The following EME2 variants were observed in gnomAD, a reference collection of about 807,000 sequenced individuals.
The protein encoded by EME2 is structure-specific endonuclease subunit EME2.
Under a neutral mutation model 41.9 loss-of-function variants are expected in EME2, and 58 were observed. The ratio of observed to expected loss-of-function variants is 1.38; its 90% confidence interval spans 1.12 to 1.72. The LOEUF (loss-of-function observed/expected upper bound fraction) is 1.72. Among genes scored for constraint, EME2 ranks in the 40% most tolerant of loss-of-function variants. The pLI is 0.00. For synonymous variants in EME2, 334 were observed against 239.3 expected (o/e 1.40, Z -3.65); for missense variants, 695 against 541.9 (o/e 1.28, Z -2.81).
Position 1,781,166 on chromosome 16 carries a change from G to A in EME2, c.*4928G>A. ...TCCTGTCACCCCTGAGGCTGTGTGT[G>A]TCCTTTGCCAAATTAAAGAGTCTTA... is the stretch of plus-strand genomic sequence containing the variant. On this transcript the variant is annotated 3_prime_UTR_variant, in exon 8 of 8. Transcript: ENST00000568449. The A allele has an allele frequency of 6.5e-7, 1 of 1,532,038 alleles. No homozygotes were observed. The highest frequency in any genetic ancestry group is 8.7e-7 in the Non-Finnish European group (1 of 1,144,306). 94.9% of individuals were successfully genotyped at this position (1,532,038 alleles called of 1,614,324 possible).
Position 1,776,970 on chromosome 16 carries a change from T to G in EME2, c.*732T>G. On this transcript the variant is annotated 3_prime_UTR_variant, in exon 8 of 8. Transcript: ENST00000568449. ...CTGTCCCAGCCTCGGGAGCAAGAGA[T>G]GGCTCCCTCCGGACGGGCCTCATCC... 1 of 1,084,224 alleles carries G rather than the reference T, an allele frequency of 9.2e-7. No individual in the cohort carries two copies. The highest frequency in any genetic ancestry group is 1.6e-5 in the South Asian group (1 of 64,086). 67.2% of individuals were successfully genotyped at this position (1,084,224 alleles called of 1,614,324 possible).
rs1187432844 is a variant in EME2, at chr16:1,773,022, A to C, written c.-206A>C. 1.4e-6 allele frequency: 2 copies of C among 1,449,126 alleles called. No individual in the cohort carries two copies. The highest frequency in any genetic ancestry group is 1.8e-6 in the Non-Finnish European group (2 of 1,101,804). The allele number at this position is 1,449,126 out of a possible 1,614,324, so 89.8% of individuals were successfully genotyped here. A position where few individuals can be genotyped will look rare whatever the true frequency, so the allele number is the denominator to read the frequency against. On this transcript the variant is annotated 5_prime_UTR_variant, in exon 1 of 8. Coordinates refer to ENST00000568449, the MANE Select transcript of EME2 (RefSeq NM_001257370.2). ...CAAGGTCTCGTAGTCCACCGCGTAGAGCTGGGAGTCGCGCGGCCTGTTCAG... is the reference window on the plus strand; with the variant it reads ...CAAGGTCTCGTAGTCCACCGCGTAGCGCTGGGAGTCGCGCGGCCTGTTCAG...
At position 1,778,682 on chromosome 16, in the gene EME2, C is replaced by G; in HGVS notation, c.*2444C>G. 1 of 1,472,554 alleles carries G rather than the reference C, an allele frequency of 6.8e-7. No homozygotes were observed. The highest frequency in any genetic ancestry group is 1.4e-5 in the South Asian group (1 of 73,490). The allele number at this position is 1,472,554 out of a possible 1,614,324, so 91.2% of individuals were successfully genotyped here. On this transcript the variant is annotated 3_prime_UTR_variant, in exon 8 of 8. Coordinates refer to ENST00000568449, the MANE Select transcript of EME2 (RefSeq NM_001257370.2). Reference sequence around the variant, plus strand: ...ACCCTCTCACCCTTGCCCTCTGTCCCTGTCCCACCCTGTCCCTGACCCACC... The same window carrying G: ...ACCCTCTCACCCTTGCCCTCTGTCCGTGTCCCACCCTGTCCCTGACCCACC...
rs1896641440 is a variant in EME2, at chr16:1,779,466, AT to A, written c.*3229del. On this transcript the variant is annotated 3_prime_UTR_variant, in exon 8 of 8. Transcript: ENST00000568449. Reference sequence around the variant, plus strand: ...AGGAGAAGCCACAGGGGACCATGACATGGGCGCCACCAGCTTCCAGGTGAAC... The same window carrying A: ...AGGAGAAGCCACAGGGGACCATGACAGGGCGCCACCAGCTTCCAGGTGAAC... 1 of 152,402 alleles carries A rather than the reference AT, an allele frequency of 6.6e-6. No homozygotes were observed. Among genetic ancestry groups the A allele is most frequent in the Admixed American group, 6.5e-5 (1 of 15,282 alleles). 9.4% of individuals were successfully genotyped at this position (152,402 alleles called of 1,614,324 possible).
In EME2 at chr16:1,777,739, G is replaced by T; in HGVS notation, c.*1501G>T. Reference sequence around the variant, plus strand: ...CTGAGAGGAGCTCAAGTCCTGTGACGGCCTCACCTATACACTTCCTGTTCT... The same window carrying T: ...CTGAGAGGAGCTCAAGTCCTGTGACTGCCTCACCTATACACTTCCTGTTCT... On this transcript the variant is annotated 3_prime_UTR_variant, in exon 8 of 8. Coordinates refer to ENST00000568449, the MANE Select transcript of EME2 (RefSeq NM_001257370.2). 1.2e-6 allele frequency: 2 copies of T among 1,611,442 alleles called. No homozygotes were observed. Among genetic ancestry groups the T allele is most frequent in the Non-Finnish European group, 1.7e-6 (2 of 1,179,484 alleles).
chr16:1,777,927 C>T lies in EME2; in HGVS notation c.*1689C>T. 6.2e-7 allele frequency: 1 copy of T among 1,612,352 alleles called. No homozygotes were observed. Among genetic ancestry groups the T allele is most frequent in the African/African-American group, 1.3e-5 (1 of 75,040 alleles). On this transcript the variant is annotated 3_prime_UTR_variant, in exon 8 of 8. Coordinates refer to ENST00000568449, the MANE Select transcript of EME2 (RefSeq NM_001257370.2). Reference sequence around the variant, plus strand: ...GGGAGCTCCAGGCTCGGCCCCGCCCCACCCTGGGCCTCACGCACCCGTGTA... The same window carrying T: ...GGGAGCTCCAGGCTCGGCCCCGCCCTACCCTGGGCCTCACGCACCCGTGTA...
At chr16:1,775,739 C>G (rs1405439637) in intron 6 of EME2, 55 bp downstream of exon 6, 15 of 1,612,292 alleles carry the variant, frequency 9.3e-6, no homozygotes, top group African/African-American at 2.7e-5. Context: ...AGTGGTGCCT[C>G]CCCGGCCTTT....
In EME2 at chr16:1,776,373, G is replaced by C. The variant is rs1043135331; in HGVS notation, c.*135G>C. 32 of 777,604 alleles carry C rather than the reference G, an allele frequency of 4.1e-5. No homozygotes were observed. The African/African-American group carries it at 4.7e-4, about 11-fold the overall frequency. 48.2% of individuals were successfully genotyped at this position (777,604 alleles called of 1,614,324 possible). A position where few individuals can be genotyped will look rare whatever the true frequency, so the allele number is the denominator to read the frequency against. On this transcript the variant is annotated 3_prime_UTR_variant, in exon 8 of 8. Transcript: ENST00000568449. ...TCTGGCTGAGCAGGTCTGACCTCAGGGGAAGGGTGGGTGGTTGCAGGGGAA... is the reference window on the plus strand; with the variant it reads ...TCTGGCTGAGCAGGTCTGACCTCAGCGGAAGGGTGGGTGGTTGCAGGGGAA...
rs1315247309 is a variant in EME2 at position 1,775,556 on chromosome 16, GCCT to G, written c.664-7_664-5del. 6 of 1,611,834 alleles carry G rather than the reference GCCT, an allele frequency of 3.7e-6. No individual in the cohort carries two copies. The highest frequency in any genetic ancestry group is 3.4e-6 in the Non-Finnish European group (4 of 1,179,322). On this transcript the variant is annotated splice_polypyrimidine_tract_variant and intron_variant, in intron 5 of 7. Transcript: ENST00000568449. Reference sequence around the variant, plus strand: ...TCCTCTGGCTCGTGCCCATCAGCTTGCCTCCTCCCCAGGCCCTGGTACTCCTGC... The same window carrying G: ...TCCTCTGGCTCGTGCCCATCAGCTTGCCTCCCCAGGCCCTGGTACTCCTGC...
rs749402854 is a variant in EME2 at position 1,777,236 on chromosome 16, T to C, written c.*998T>C. The C allele has an allele frequency of 6.2e-7, 1 of 1,610,784 alleles. No individual in the cohort carries two copies. Among genetic ancestry groups the C allele is most frequent in the Non-Finnish European group, 8.5e-7 (1 of 1,179,834 alleles). ...GCTCAGGACCCAGCCCAGCTTGTTG[T>C]GTAGCACCTGCTTGAGGCCCGGCGG... On this transcript the variant is annotated 3_prime_UTR_variant, in exon 8 of 8. Coordinates refer to ENST00000568449, the MANE Select transcript of EME2 (RefSeq NM_001257370.2).
chr16:1,775,851 C>A lies in EME2; in HGVS notation c.834C>A (p.Ala278=). 6.2e-7 allele frequency: 1 copy of A among 1,609,692 alleles called. No homozygotes were observed. The highest frequency in any genetic ancestry group is 1.7e-5 in the Admixed American group (1 of 59,732). ...TCTGCACAGCAGGGCGCTGGGCAGC[C>A]GGCGAGCCAGTGGCAAGAGACGGCG... The part of the protein sequence containing the change: ...FSFCTAGRWA[A]GEPVARDGAG... Residue 278 remains alanine (A), a synonymous_variant, in exon 7 of 8, where the codon GCC becomes GCA. Coordinates refer to ENST00000568449, the MANE Select transcript of EME2 (RefSeq NM_001257370.2).
Position 1,775,149 on chromosome 16 carries a change from T to C in EME2, c.569+17T>C. On this transcript the variant is annotated intron_variant, in intron 4 of 7. Coordinates refer to ENST00000568449, the MANE Select transcript of EME2 (RefSeq NM_001257370.2). Reference sequence around the variant, plus strand: ...CTACCTGTGGTACCGCTCACTCTCATGCCCACAGCAGGGCTGGCTGGGACG... The same window carrying C: ...CTACCTGTGGTACCGCTCACTCTCACGCCCACAGCAGGGCTGGCTGGGACG... 1 of 1,610,652 alleles carries C rather than the reference T, an allele frequency of 6.2e-7. No homozygotes were observed. The highest frequency in any genetic ancestry group is 1.1e-5 in the South Asian group (1 of 91,054).
At chr16:1,774,737 GTCTC>G (rs1244436485) in intron 3 of EME2, among the ~76,000 whole-genome samples, 1 of 152,364 alleles carries the variant, frequency 6.6e-6, no homozygotes, top group South Asian at 2.1e-4. Context: ...CAGGATCAGT[GTCTC>G]TCAAGCTGCT....
rs375390717 is a variant in EME2 at position 1,778,628 on chromosome 16, C to A, written c.*2390C>A. On this transcript the variant is annotated 3_prime_UTR_variant, in exon 8 of 8. Coordinates refer to ENST00000568449, the MANE Select transcript of EME2 (RefSeq NM_001257370.2). ...AGTCGCTGTGCTGGGAGAGAAGGGCCGGCTGTTACTACCTGTTGCCCGCTC... is the reference window on the plus strand; with the variant it reads ...AGTCGCTGTGCTGGGAGAGAAGGGCAGGCTGTTACTACCTGTTGCCCGCTC... 5 of 1,532,570 alleles carry A rather than the reference C, an allele frequency of 3.3e-6. No homozygotes were observed. Among genetic ancestry groups the A allele is most frequent in the Non-Finnish European group, 4.4e-6 (5 of 1,139,306 alleles). 94.9% of individuals were successfully genotyped at this position (1,532,570 alleles called of 1,614,324 possible).
At chr16:1,774,113 A>AC in intron 2 of EME2, 147 bp from the exon 3 acceptor site, 1 of 783,006 alleles carries the variant, frequency 1.3e-6, no homozygotes, top group South Asian at 1.7e-5. Flanking sequence ...TTGGCAGGAA[A>AC]GGGAACACTG....
In EME2 at chr16:1,775,967, CCCCCCGCCTTCTGCAGCAGGTGGG is replaced by C. The variant is rs2042705952; in HGVS notation, c.955_969+9del. ...GATGCAGTTGTCACAGCCTTCCCCT[CCCCCCGCCTTCTGCAGCAGGTGGG>C]CCCCTGCCTCCTCCAAGCCCTCCAG... On this transcript the variant is annotated splice_donor_variant and splice_donor_5th_base_variant and coding_sequence_variant and intron_variant, in exon 7 of 8. Coordinates refer to ENST00000568449, the MANE Select transcript of EME2 (RefSeq NM_001257370.2). LOFTEE classifies it high-confidence loss of function. 1.2e-6 allele frequency: 2 copies of C among 1,608,974 alleles called. No individual in the cohort carries two copies. The highest frequency in any genetic ancestry group is 2.2e-5 in the South Asian group (2 of 90,964).
chr16:1,780,119 C>G lies in EME2; in HGVS notation c.*3881C>G, dbSNP rs935839381. 1 of 152,368 alleles carries G rather than the reference C, an allele frequency of 6.6e-6. No homozygotes were observed. The highest frequency in any genetic ancestry group is 2.4e-5 in the African/African-American group (1 of 41,424). 9.4% of individuals were successfully genotyped at this position (152,368 alleles called of 1,614,324 possible). On this transcript the variant is annotated 3_prime_UTR_variant, in exon 8 of 8. Coordinates refer to ENST00000568449, the MANE Select transcript of EME2 (RefSeq NM_001257370.2). Reference sequence around the variant, plus strand: ...AGAGAGCAGCACCAGGTCACACAAGCAGCCGCCCCGGAAGGACACGGCCCA... The same window carrying G: ...AGAGAGCAGCACCAGGTCACACAAGGAGCCGCCCCGGAAGGACACGGCCCA...
chr16:1,776,506 G>C lies in EME2; in HGVS notation c.*268G>C. On this transcript the variant is annotated 3_prime_UTR_variant, in exon 8 of 8. Coordinates refer to ENST00000568449, the MANE Select transcript of EME2 (RefSeq NM_001257370.2). ...CAGGGGAGGCCTCAGCAGCAGGGCT[G>C]TGCCCCCCCAACACACACACACACT... 1 of 461,420 alleles carries C rather than the reference G, an allele frequency of 2.2e-6. No homozygotes were observed. The allele number at this position is 461,420 out of a possible 1,614,324, so 28.6% of individuals were successfully genotyped here. A position where few individuals can be genotyped will look rare whatever the true frequency, so the allele number is the denominator to read the frequency against.
rs111308382 is a variant in EME2 at position 1,775,007 on chromosome 16, T to C, written c.478-34T>C. The C allele has an allele frequency of 3.8e-3, 5,958 of 1,568,472 alleles. 21 individuals are homozygous for C. The highest frequency in any genetic ancestry group is 4.6e-3 in the Non-Finnish European group (5,319 of 1,148,906). Reference sequence around the variant, plus strand: ...CCCATGGCCATAGGCCGCAGCCTCCTGTGAACAACTGTGCCACACGTTCTC... The same window carrying C: ...CCCATGGCCATAGGCCGCAGCCTCCCGTGAACAACTGTGCCACACGTTCTC... On this transcript the variant is annotated intron_variant, in intron 3 of 7. Transcript: ENST00000568449.
Sources: gnomAD v4.1 joint callset for allele counts (sites outside exome capture counted in the v4.1 genomes callset) on GRCh38, gnomAD v4.1.1 for gene constraint, MANE v1.5 for transcripts, NCBI Gene and HGNC (gene_info 2026-07-23, HGNC 2026-07-21) for gene names.